ADAMTS17: variants seen among roughly 807,000 people sequenced by gnomAD.
ADAMTS17 encodes the protein ADAM metallopeptidase with thrombospondin type 1 motif 17, also known as A disintegrin and metalloproteinase with thrombospondin motifs 17.
A neutral mutation model predicts 141.5 loss-of-function variants in ADAMTS17; 113 were observed. The ratio of observed to expected loss-of-function variants is 0.80; its 90% CI spans 0.69 to 0.93. ADAMTS17 has a LOEUF of 0.93. Among genes scored for constraint, ADAMTS17 ranks in the 40% least tolerant of loss-of-function variants. ADAMTS17 has a pLI of 0.00. For synonymous variants in ADAMTS17, 768 were observed against 630.6 expected (o/e 1.22, Z -3.27); for missense variants, 1,659 against 1,517.9 (o/e 1.09, Z -1.54).
intron 10 of ADAMTS17, among the ~76,000 whole-genome samples, chr15:100,143,607 T>C (rs1438809284): frequency 6.6e-6 from 1 of 152,124 alleles, no homozygotes; most frequent in Admixed American, 6.5e-5. Flanking sequence ...TTGATGCCAA[T>C]TTTTTTTCTA....
chr15:100,187,501 G>A (rs1305450266), intron 8 of ADAMTS17, among the ~76,000 whole-genome samples: 2 of 152,186 alleles, frequency 1.3e-5, no homozygotes, highest in African/African-American at 4.8e-5. Flanking sequence ...CTGGACATAT[G>A]ATTCATGTTG....
At chr15:100,192,896 G>T (rs544971489) in intron 8 of ADAMTS17, among the ~76,000 whole-genome samples, 1 of 150,026 alleles carries the variant, frequency 6.7e-6, no homozygotes, top group African/African-American at 2.5e-5. Flanking sequence ...CCCCAGACAT[G>T]TGTCCACCCA....
chr15:100,155,155 C>T (rs1208359810), intron 9 of ADAMTS17, 25 bp downstream of exon 9: 2 of 1,614,066 alleles, frequency 1.2e-6, no homozygotes, highest in Non-Finnish European at 1.7e-6. Context: ...TTGCATTCAT[C>T]CTATAGAATA....
intron 6 of ADAMTS17, among the ~76,000 whole-genome samples, chr15:100,258,991 C>T (rs1260218146): frequency 6.9e-6 from 1 of 145,360 alleles, no homozygotes; most frequent in Non-Finnish European, 1.5e-5. Context: ...AGACCACTTA[C>T]AAGTGCTTTC....
intron 14 of ADAMTS17, among the ~76,000 whole-genome samples, chr15:100,102,280 C>A (rs984727624): frequency 2.0e-5 from 3 of 149,330 alleles, no homozygotes; most frequent in African/African-American, 7.4e-5. Context: ...GGAAGCCCGA[C>A]CGAAGGAGAT....
chr15:100,087,913 C>T (rs1156443718), intron 15 of ADAMTS17, among the ~76,000 whole-genome samples: 1 of 152,184 alleles, frequency 6.6e-6, no homozygotes, highest in Non-Finnish European at 1.5e-5. Flanking sequence ...GAAGCATTCC[C>T]TTTGAAAAGT....
chr15:100,304,714 C>T (rs963405280), intron 3 of ADAMTS17, among the ~76,000 whole-genome samples: 3 of 152,108 alleles, frequency 2.0e-5, no homozygotes, highest in Admixed American at 6.5e-5. Context: ...TCTGTACTGC[C>T]GCCTTTGTGC....
chr15:100,140,305 G>A (rs1037074121), intron 10 of ADAMTS17, among the ~76,000 whole-genome samples: 1 of 151,966 alleles, frequency 6.6e-6, no homozygotes, highest in Non-Finnish European at 1.5e-5. Flanking sequence ...CGTGTAAGAT[G>A]TTAACATAAC....
chr15:100,053,098 C>T (rs928950196), intron 16 of ADAMTS17, among the ~76,000 whole-genome samples: 1 of 152,188 alleles, frequency 6.6e-6, no homozygotes, highest in African/African-American at 2.4e-5. Flanking sequence ...GTGGACAAAG[C>T]GTGTTTTGAT....
intron 8 of ADAMTS17, among the ~76,000 whole-genome samples, chr15:100,181,179 C>T (rs1023987051): frequency 6.6e-6 from 1 of 152,132 alleles, no homozygotes; most frequent in Non-Finnish European, 1.5e-5. Flanking sequence ...GTGGTGAATG[C>T]TGCCAGACAT....
intron 10 of ADAMTS17, among the ~76,000 whole-genome samples, chr15:100,136,125 AAGTT>A (rs2038318398): frequency 6.6e-6 from 1 of 152,260 alleles, no homozygotes; most frequent in Non-Finnish European, 1.5e-5. Context: ...ATTGTCAAGA[AAGTT>A]CACTGAAATA....
At chr15:100,142,055 G>C (rs1209736698) in intron 10 of ADAMTS17, among the ~76,000 whole-genome samples, 2 of 152,214 alleles carry the variant, frequency 1.3e-5, no homozygotes, top group Non-Finnish European at 2.9e-5. Context: ...AGAATCTCCA[G>C]GGAAGCTGTA....
At chr15:100,012,698 T>A (rs578023964) in intron 18 of ADAMTS17, among the ~76,000 whole-genome samples, 1 of 152,306 alleles carries the variant, frequency 6.6e-6, no homozygotes, top group Admixed American at 6.5e-5. Context: ...TGGCTGTAAG[T>A]ATTTGGGTTT....
intron 19 of ADAMTS17, among the ~76,000 whole-genome samples, chr15:99,994,092 A>G (rs907691927): frequency 1.3e-5 from 2 of 152,136 alleles, no homozygotes; most frequent in East Asian, 1.9e-4. Flanking sequence ...ACCATCTCCA[A>G]AAGCAAAGCA....
intron 2 of ADAMTS17, among the ~76,000 whole-genome samples, chr15:100,334,581 C>T (rs1176799252): frequency 3.9e-5 from 6 of 152,296 alleles, no homozygotes; most frequent in Admixed American, 2.6e-4. Flanking sequence ...TTTCGATCCT[C>T]CCGTCCTGCC....
intron 7 of ADAMTS17, among the ~76,000 whole-genome samples, chr15:100,215,762 A>G (rs1436125684): frequency 1.3e-5 from 2 of 151,916 alleles, no homozygotes; most frequent in Admixed American, 1.3e-4. Flanking sequence ...CTGCTAGTGT[A>G]TTTCCCTTCT....
At chr15:100,089,719 A>T (rs2035331130) in intron 15 of ADAMTS17, among the ~76,000 whole-genome samples, 1 of 151,860 alleles carries the variant, frequency 6.6e-6, no homozygotes. Context: ...ATTCTCAACA[A>T]ACTATCACAA....
intron 3 of ADAMTS17, among the ~76,000 whole-genome samples, chr15:100,308,708 C>T (rs2045307462): frequency 2.0e-5 from 3 of 152,118 alleles, no homozygotes; most frequent in East Asian, 3.9e-4. Flanking sequence ...TCCAAGTTTG[C>T]CCTGGCTTCT....
At chr15:100,154,624 C>G (rs2039344516) in intron 9 of ADAMTS17, among the ~76,000 whole-genome samples, 1 of 152,172 alleles carries the variant, frequency 6.6e-6, no homozygotes, top group Non-Finnish European at 1.5e-5. Flanking sequence ...CAGGTACAGA[C>G]TGTGACAAAG....
Sources: gnomAD v4.1 joint callset for allele counts (sites outside exome capture counted in the v4.1 genomes callset) on GRCh38, gnomAD v4.1.1 for gene constraint, MANE v1.5 for transcripts, NCBI Gene and HGNC (gene_info 2026-07-23, HGNC 2026-07-21) for gene names.